Variants in DOCK11 observed in about 807,000 individuals in gnomAD.
DOCK11 encodes the protein dedicator of cytokinesis 11, also known as dedicator of cytokinesis protein 11.
In DOCK11, 70 loss-of-function variants were observed where a neutral mutation model predicts 169.1. That is an observed-to-expected ratio of 0.41 (90% CI 0.34 to 0.51). The LOEUF is 0.51. DOCK11 is among the 20% of genes least tolerant of loss of function. The probability of loss-of-function intolerance (pLI) is 0.10; values close to 1 mark genes in which losing one functional copy is unlikely to be tolerated. For synonymous variants in DOCK11, 529 were observed against 541.3 expected (o/e 0.98, Z 0.32); for missense variants, 1,166 against 1,538.8 (o/e 0.76, Z 4.05).
intron 29 of DOCK11, 21 bp from the exon 30 acceptor site, chrX:118,615,579 G>A (rs1374805008): frequency 8.8e-7 from 1 of 1,135,047 alleles, no homozygotes; most frequent in Non-Finnish European, 1.2e-6. Flanking sequence ...ATGAGCTAAT[G>A]TATCATTTCT....
Position 118,630,416 on chromosome X carries a change from A to G in DOCK11, c.3812A>G (p.Tyr1271Cys), listed in dbSNP as rs183975536. The G allele has an allele frequency of 5.2e-4, 633 of 1,208,119 alleles. 1 individual carries two copies. The highest frequency in any genetic ancestry group is 3.3e-3 in the East Asian group (112 of 33,770). Residue 1271 changes from tyrosine to cysteine, a missense_variant, in exon 35 of 53, where the codon TAT (tyrosine) becomes TGT (cysteine). Transcript: ENST00000276202. Reference sequence around the variant, plus strand: ...TCTACAAGGAGTAGTGTATCCCAGTATAACCGCCTGGATCAGTATGAAATC... The same window carrying G: ...TCTACAAGGAGTAGTGTATCCCAGTGTAACCGCCTGGATCAGTATGAAATC... ...QSSTRSSVSQ[Y>C]NRLDQYEIRS...
intron 11 of DOCK11, 22 bp downstream of exon 11, chrX:118,572,485 A>AC (rs2013309551): frequency 1.7e-6 from 2 of 1,172,214 alleles, no homozygotes; most frequent in Non-Finnish European, 2.3e-6. Flanking sequence ...TTTGCCTTCT[A>AC]CCCCCCTTGC....
intron 1 of DOCK11, among the ~76,000 whole-genome samples, chrX:118,538,345 T>G (rs2011833369): frequency 8.9e-6 from 1 of 112,227 alleles, no homozygotes; most frequent in African/African-American, 3.2e-5. Context: ...CCTTGTCTAC[T>G]TGACAAAGCG....
At chrX:118,654,289 C>T (rs943825711) in intron 42 of DOCK11, among the ~76,000 whole-genome samples, 1 of 111,923 alleles carries the variant, frequency 8.9e-6, no homozygotes, top group Admixed American at 9.5e-5. Flanking sequence ...TACAAGAAAA[C>T]GGCAAACAAA....
chrX:118,553,802 T>G lies in DOCK11; in HGVS notation c.559-7581T>G, dbSNP rs2012585006. Reference sequence around the variant, plus strand: ...TATTTTTGATATCTTAGTCCAATTGTATTCTCAAATCTACCAGACTATCTC... The same window carrying G: ...TATTTTTGATATCTTAGTCCAATTGGATTCTCAAATCTACCAGACTATCTC... On this transcript the variant is annotated intron_variant, in intron 6 of 52. Coordinates refer to ENST00000276202, the MANE Select transcript of DOCK11 (RefSeq NM_144658.4). 3.6e-5 allele frequency among the ~76,000 whole-genome samples: 4 copies of G among 112,392 alleles called. No individual in the cohort carries two copies. The Admixed American group carries it at 3.8e-4, about 11-fold the overall frequency.
intron 29 of DOCK11, 139 bp downstream of exon 29, chrX:118,614,914 A>G (rs1410581801): frequency 2.2e-6 from 1 of 463,424 alleles, no homozygotes; most frequent in African/African-American, 2.5e-5. Context: ...AAAAGCAAGG[A>G]ATACTGGACT....
chrX:118,525,214 A>C (rs146656533), intron 1 of DOCK11, among the ~76,000 whole-genome samples: 1,712 of 111,367 alleles, frequency 0.015, 41 homozygotes, highest in African/African-American at 0.053. Context: ...TTCTCCCCAA[A>C]AGAATTGAAG....
At chrX:118,599,296 GAA>G in intron 23 of DOCK11, 68 bp downstream of exon 23, 7 of 706,210 alleles carry the variant, frequency 9.9e-6, no homozygotes, top group African/African-American at 4.6e-5. Flanking sequence ...ATTTTGGTGT[GAA>G]AAAAAAAAGC....
At chrX:118,579,871 C>T (rs1348062388) in intron 13 of DOCK11, among the ~76,000 whole-genome samples, 3 of 112,212 alleles carry the variant, frequency 2.7e-5, no homozygotes, top group African/African-American at 9.7e-5. Context: ...CTGTCTTCTG[C>T]TATAAGTGAC....
intron 45 of DOCK11, among the ~76,000 whole-genome samples, chrX:118,665,886 GT>G (rs1017924851): frequency 1.3e-4 from 14 of 108,989 alleles, no homozygotes; most frequent in Admixed American, 4.9e-4. Flanking sequence ...ATTTGCAACA[GT>G]TTTTTTTTTC....
chrX:118,636,386 G>A lies in DOCK11; in HGVS notation c.3927G>A (p.Glu1309=). Reference sequence around the variant, plus strand: ...ACTGGAATAAAGTATCACCTCAGGAGCTCATAAACATTCTTATACTTTTAG... The same window carrying A: ...ACTGGAATAAAGTATCACCTCAGGAACTCATAAACATTCTTATACTTTTAG... ...LTYWNKVSPQ[E]LINILILLEV... The change falls in exon 36 of 53, where the codon GAG becomes GAA. Residue 1309 remains glutamate (E), a synonymous_variant. Coordinates refer to ENST00000276202, the MANE Select transcript of DOCK11 (RefSeq NM_144658.4). The A allele has an allele frequency of 9.2e-7, 1 of 1,084,439 alleles. No individual in the cohort carries two copies. Among genetic ancestry groups the A allele is most frequent in the Non-Finnish European group, 1.3e-6 (1 of 799,608 alleles). The allele number at this position is 1,084,439 out of a possible 1,213,427, so 89.4% of individuals were successfully genotyped here.
intron 34 of DOCK11, among the ~76,000 whole-genome samples, chrX:118,630,129 A>G (rs768510163): frequency 8.9e-6 from 1 of 111,809 alleles, no homozygotes; most frequent in African/African-American, 3.2e-5. Context: ...ACTAAAACAC[A>G]TGGCATATGA....
chrX:118,504,054 T>C (rs977362997), intron 1 of DOCK11, among the ~76,000 whole-genome samples: 1 of 110,520 alleles, frequency 9.0e-6, no homozygotes, highest in African/African-American at 3.3e-5. Flanking sequence ...TAAGGGAGAC[T>C]AGAAGTACGC....
Position 118,641,279 on chromosome X carries a change from A to G in DOCK11, c.4234A>G (p.Ile1412Val). The G allele has an allele frequency of 8.3e-7, 1 of 1,200,577 alleles. No homozygotes were observed. The highest frequency in any genetic ancestry group is 1.1e-6 in the Non-Finnish European group (1 of 886,076). Reference sequence around the variant, plus strand: ...AGTTTCCCTAACAGTACTAGACACCATATCATTTTTCACTCAGTGCTTCAA... The same window carrying G: ...AGTTTCCCTAACAGTACTAGACACCGTATCATTTTTCACTCAGTGCTTCAA... ...TEVSLTVLDT[I>V]SFFTQCFKTQ... The change falls in exon 39 of 53, where the codon ATA (isoleucine) becomes GTA (valine). Residue 1412 changes from isoleucine (I) to valine (V), a missense_variant. Transcript: ENST00000276202.
rs763684266 is a variant in DOCK11, at chrX:118,641,260, C to G, written c.4215C>G (p.Ser1405=). ...AAGGCAATACAGCTACTGAAGTTTC[C>G]CTAACAGTACTAGACACCATATCAT... is the stretch of plus-strand genomic sequence containing the variant. ...LLEGNTATEV[S]LTVLDTISFF... is the part of the protein sequence containing the mutation. The change falls in exon 39 of 53, where the codon TCC becomes TCG. Residue 1405 remains serine (S), a synonymous_variant. Transcript: ENST00000276202. 2 of 1,206,255 alleles carry G rather than the reference C, an allele frequency of 1.7e-6. No individual in the cohort carries two copies. Among genetic ancestry groups the G allele is most frequent in the African/African-American group, 3.5e-5 (2 of 57,192 alleles).
chrX:118,675,849 G>A (rs2016596975), intron 46 of DOCK11, 87 bp from the exon 47 acceptor site: 11 of 532,356 alleles, frequency 2.1e-5, no homozygotes, highest in Non-Finnish European at 2.1e-5. Context: ...AGAATATACT[G>A]GTGCTTTTTA....
chrX:118,531,847 C>T (rs1466328965), intron 1 of DOCK11, among the ~76,000 whole-genome samples: 2 of 111,161 alleles, frequency 1.8e-5, no homozygotes, highest in African/African-American at 3.3e-5. Flanking sequence ...GTGTTAGCCA[C>T]CACACCCAGC....
intron 23 of DOCK11, among the ~76,000 whole-genome samples, chrX:118,604,521 C>CTTTTTTTTTTTTTTTT (rs74504860): frequency 2.6e-5 from 1 of 38,195 alleles, no homozygotes; most frequent in Non-Finnish European, 4.2e-5. Flanking sequence ...GGTTTGTTTC[C>CTTTTTTTTTTTTTTTT]TTTTTTTTTT....
At chrX:118,565,513 A>C (rs1241325593) in intron 7 of DOCK11, among the ~76,000 whole-genome samples, 1 of 112,198 alleles carries the variant, frequency 8.9e-6, no homozygotes, top group Non-Finnish European at 1.9e-5. Context: ...TACAGTTGAT[A>C]CTATGCGTGG....
Sources: gnomAD v4.1 joint callset for allele counts (sites outside exome capture counted in the v4.1 genomes callset) on GRCh38, gnomAD v4.1.1 for gene constraint, MANE v1.5 for transcripts, NCBI Gene and HGNC (gene_info 2026-07-23, HGNC 2026-07-21) for gene names.